The following PLCE1 variants were observed in gnomAD, a reference collection of about 807,000 sequenced individuals.
PLCE1 encodes the protein phospholipase C epsilon 1.
A neutral mutation model predicts 242.8 loss-of-function variants in PLCE1; 119 were observed. That is an observed-to-expected ratio of 0.49 (90% CI 0.42 to 0.57). PLCE1 has a LOEUF of 0.57. PLCE1 is among the 20% of genes least tolerant of loss of function. The probability of loss-of-function intolerance (pLI) is 0.00; values close to 1 mark genes in which losing one functional copy is unlikely to be tolerated. For synonymous variants in PLCE1, 945 were observed against 1,017.4 expected, an observed-to-expected ratio of 0.93 and a Z score of 1.35; for missense variants, 2,441 against 2,788.8, an observed-to-expected ratio of 0.88 and a Z score of 2.81.
At chr10:94,226,121 G>A (rs900068893) in intron 4 of PLCE1, among the ~76,000 whole-genome samples, 2 of 152,200 alleles carry the variant, frequency 1.3e-5, no homozygotes, top group Non-Finnish European at 2.9e-5. Context: ...AGTAAAGGTG[G>A]CAGCAAAATA....
chr10:94,038,636 C>T (rs1309282915), intron 2 of PLCE1, among the ~76,000 whole-genome samples: 1 of 152,086 alleles, frequency 6.6e-6, no homozygotes, highest in Non-Finnish European at 1.5e-5. Context: ...TAGGGAAAGC[C>T]AGTCCTTTGA....
chr10:94,239,810 A>G (rs987250103), intron 7 of PLCE1, among the ~76,000 whole-genome samples: 1 of 152,142 alleles, frequency 6.6e-6, no homozygotes, highest in Non-Finnish European at 1.5e-5. Flanking sequence ...TACCAGGATT[A>G]ACCACACACA....
chr10:94,219,053 A>T (rs1383111630), intron 4 of PLCE1, among the ~76,000 whole-genome samples: 1 of 150,694 alleles, frequency 6.6e-6, no homozygotes, highest in African/African-American at 2.4e-5. Context: ...TTATTATATC[A>T]ATAATACCAC....
chr10:94,074,026 C>CTT (rs1474027668), intron 2 of PLCE1, among the ~76,000 whole-genome samples: 2 of 152,078 alleles, frequency 1.3e-5, no homozygotes, highest in Non-Finnish European at 2.9e-5. Flanking sequence ...CTGAGGAAGG[C>CTT]ACTCAGTTAA....
chr10:94,325,294 G>A (rs762152956), intron 32 of PLCE1, 190 bp downstream of exon 32: 22 of 549,732 alleles, frequency 4.0e-5, no homozygotes, highest in African/African-American at 1.5e-4. Context: ...ATTGAACACC[G>A]CCTATAAAGA....
In PLCE1 at chr10:94,266,993, C is replaced by T. The variant is rs371901017; in HGVS notation, c.4281+1035C>T. ...GCCAGAGAGTAGGAGGGGTGCCATA[C>T]GCTGCCCCATTTCAGGTAATGTACT... is the stretch of plus-strand genomic sequence containing the variant. On this transcript the variant is annotated intron_variant, in intron 16 of 32. Transcript: ENST00000371380. Among the ~76,000 whole-genome samples the T allele has an allele frequency of 1.7e-3, 264 of 152,292 alleles. 3 individuals are homozygous for T. Among genetic ancestry groups the T allele is most frequent in the Admixed American group, 4.0e-3 (61 of 15,298 alleles).
chr10:94,080,591 C>T (rs765023261), intron 2 of PLCE1, among the ~76,000 whole-genome samples: 1 of 152,214 alleles, frequency 6.6e-6, no homozygotes, highest in African/African-American at 2.4e-5. Context: ...ATTTTCCAGA[C>T]CTACATTCTT....
intron 3 of PLCE1, among the ~76,000 whole-genome samples, chr10:94,136,226 G>C (rs1435698575): frequency 1.3e-5 from 2 of 152,170 alleles, no homozygotes; most frequent in African/African-American, 4.8e-5. Flanking sequence ...GGTTACCGGG[G>C]ATGAGGAAGG....
intron 2 of PLCE1, among the ~76,000 whole-genome samples, chr10:94,097,047 T>C (rs1320443711): frequency 6.6e-6 from 1 of 152,172 alleles, no homozygotes; most frequent in African/African-American, 2.4e-5. Flanking sequence ...AGGATCACAC[T>C]GATTACCCAA....
chr10:94,230,755 G>C (rs868192161), intron 5 of PLCE1, among the ~76,000 whole-genome samples: 2 of 152,214 alleles, frequency 1.3e-5, no homozygotes, highest in East Asian at 3.9e-4. Flanking sequence ...TCTACAAGGA[G>C]TGTACCAGCA....
At chr10:94,150,801 T>C (rs1221894965) in intron 3 of PLCE1, among the ~76,000 whole-genome samples, 8 of 152,142 alleles carry the variant, frequency 5.3e-5, no homozygotes, top group Admixed American at 5.2e-4. Context: ...CTCCTTTATA[T>C]GATATGAAGC....
chr10:94,000,387 C>A (rs11813710), intron 1 of PLCE1, among the ~76,000 whole-genome samples: 115 of 152,262 alleles, frequency 7.6e-4, no homozygotes, highest in African/African-American at 2.7e-3. Context: ...CCTAAGCATC[C>A]TCATCTACAT....
At chr10:94,236,444 C>T (rs2137335424) in intron 7 of PLCE1, among the ~76,000 whole-genome samples, 1 of 151,500 alleles carries the variant, frequency 6.6e-6, no homozygotes, top group East Asian at 1.9e-4. Flanking sequence ...GAGCTGTGAT[C>T]TTTTATTTCC....
At chr10:94,138,659 T>C (rs757933652) in intron 3 of PLCE1, 4 of 332,590 alleles carry the variant, frequency 1.2e-5, no homozygotes, top group Non-Finnish European at 2.4e-5. Context: ...TAGGAGGAGG[T>C]GTTACATCAT....
chr10:94,023,629 T>C (rs1039072145), intron 1 of PLCE1, among the ~76,000 whole-genome samples: 1 of 152,180 alleles, frequency 6.6e-6, no homozygotes, highest in Non-Finnish European at 1.5e-5. Context: ...AGATTTCCTT[T>C]CCTTGTGAGA....
At position 94,171,193 on chromosome 10, in the gene PLCE1, C is replaced by A. The variant is rs1430162940; in HGVS notation, c.1506C>A (p.Gly502=). 6.2e-7 allele frequency: 1 copy of A among 1,614,130 alleles called. No homozygotes were observed. The stretch of plus-strand genomic sequence containing the variant: ...GCTTTGTTTTAGAACGCCAGCCAGG[C>A]CCCTCTGTGGCCAATTCCAATGCCC... ...GRMMLKERQP[G]PSVANSNALP... Residue 502 remains glycine (G), a synonymous_variant, in exon 4 of 33, where the codon GGC becomes GGA. Transcript: ENST00000371380.
At chr10:94,174,852 A>G (rs954598411) in intron 4 of PLCE1, among the ~76,000 whole-genome samples, 1 of 152,294 alleles carries the variant, frequency 6.6e-6, no homozygotes, top group East Asian at 1.9e-4. Context: ...TGGACTAGAA[A>G]AAGACATTAA....
intron 13 of PLCE1, among the ~76,000 whole-genome samples, chr10:94,259,959 C>A (rs1289459049): frequency 6.6e-6 from 1 of 152,154 alleles, no homozygotes; most frequent in African/African-American, 2.4e-5. Context: ...GAGACTTATT[C>A]ACTATCATGA....
At chr10:94,033,088 G>T (rs962245227) in intron 2 of PLCE1, among the ~76,000 whole-genome samples, 2 of 151,946 alleles carry the variant, frequency 1.3e-5, no homozygotes, top group Non-Finnish European at 2.9e-5. Context: ...AAGTATACGG[G>T]AAGATGCATG....
Sources: allele counts gnomAD v4.1 joint callset (sites outside exome capture counted in the v4.1 genomes callset), GRCh38; gene constraint gnomAD v4.1.1; transcripts MANE v1.5; gene names NCBI Gene and HGNC (gene_info 2026-07-23, HGNC 2026-07-21).